The following FAM162A variants were observed in gnomAD, a reference collection of about 807,000 sequenced individuals.
FAM162A encodes the protein family with sequence similarity 162 member A, also known as protein FAM162A.
In FAM162A, 23 loss-of-function variants were observed where a neutral mutation model predicts 21.8. That is an observed-to-expected ratio of 1.05 (90% CI 0.76 to 1.49). The LOEUF is 1.49. Among genes scored for constraint, FAM162A ranks in the 40% most tolerant of loss-of-function variants. The pLI is 0.00. For missense variants in FAM162A, 165 were observed against 186.4 expected (o/e 0.89, Z 0.67); for synonymous variants, 53 against 61.3 (o/e 0.86, Z 0.64).
intron 1 of FAM162A, among the ~76,000 whole-genome samples, chr3:122,389,836 A>G (rs61598244): frequency 0.024 from 3,629 of 152,254 alleles, 135 homozygotes; most frequent in African/African-American, 0.084. Flanking sequence ...ATCTTTTTTT[A>G]ACTTCCAAAT....
At chr3:122,387,875 ATGTGAGCACATGTAGGGGCGGTAATGAGT>A (rs1316255047) in intron 1 of FAM162A, among the ~76,000 whole-genome samples, 7 of 152,014 alleles carry the variant, frequency 4.6e-5, no homozygotes, top group Non-Finnish European at 7.4e-5. Flanking sequence ...TGTGAGAGTG[ATGTGAGCACATGTAGGGGCGGTAATGAGT>A]TGTGAGCACA....
At chr3:122,389,844 A>C (rs574537114) in intron 1 of FAM162A, among the ~76,000 whole-genome samples, 1 of 152,164 alleles carries the variant, frequency 6.6e-6, no homozygotes, top group Non-Finnish European at 1.5e-5. Flanking sequence ...TTAACTTCCA[A>C]ATTTTCTGTA....
chr3:122,388,596 T>G (rs989963487), intron 1 of FAM162A, among the ~76,000 whole-genome samples: 2 of 152,088 alleles, frequency 1.3e-5, no homozygotes, highest in Non-Finnish European at 2.9e-5. Flanking sequence ...AAGAAGACAT[T>G]AAAGAAGATT....
chr3:122,408,169 C>G (rs2075685419), intron 4 of FAM162A, among the ~76,000 whole-genome samples: 1 of 152,182 alleles, frequency 6.6e-6, no homozygotes, highest in Non-Finnish European at 1.5e-5. Context: ...CACTGTTAAG[C>G]TCACTTAATC....
At chr3:122,403,685 A>C (rs962197750) in intron 2 of FAM162A, among the ~76,000 whole-genome samples, 1 of 152,120 alleles carries the variant, frequency 6.6e-6, no homozygotes, top group Non-Finnish European at 1.5e-5. Context: ...TGTCTTAGTC[A>C]TCCAAGTTTG....
At chr3:122,401,576 A>G in intron 1 of FAM162A, 1 of 1,234,824 alleles carries the variant, frequency 8.1e-7, no homozygotes, top group Admixed American at 2.5e-5. Context: ...TTAAAAGCTC[A>G]GGTGATTATA....
At chr3:122,407,224 C>T in intron 3 of FAM162A, 57 bp from the exon 4 acceptor site, 1 of 1,439,590 alleles carries the variant, frequency 6.9e-7, no homozygotes, top group Non-Finnish European at 9.7e-7. Flanking sequence ...TTATCCTGAG[C>T]AACTTCAGAA....
chr3:122,408,753 T>C (rs2075688698), intron 4 of FAM162A, among the ~76,000 whole-genome samples: 1 of 152,210 alleles, frequency 6.6e-6, no homozygotes, highest in Admixed American at 6.5e-5. Flanking sequence ...GTATACTCGA[T>C]TGTACTAGCT....
chr3:122,404,601 CAATT>C (rs1247329893), intron 3 of FAM162A, among the ~76,000 whole-genome samples: 1 of 152,144 alleles, frequency 6.6e-6, no homozygotes, highest in Non-Finnish European at 1.5e-5. Flanking sequence ...ACTCTGAAGT[CAATT>C]GATTATTTGA....
chr3:122,402,674 A>G, intron 1 of FAM162A, 86 bp from the exon 2 acceptor site: 1 of 1,258,132 alleles, frequency 7.9e-7, no homozygotes. Flanking sequence ...TTATAAATGA[A>G]ACGTAACTTG....
At chr3:122,399,699 G>A (rs554760563) in intron 1 of FAM162A, among the ~76,000 whole-genome samples, 2 of 152,226 alleles carry the variant, frequency 1.3e-5, no homozygotes, top group South Asian at 4.1e-4. Context: ...TTGAGGAATC[G>A]CCATACTTCT....
chr3:122,386,082 G>A (rs1270647128), intron 1 of FAM162A, among the ~76,000 whole-genome samples: 1 of 152,102 alleles, frequency 6.6e-6, no homozygotes, highest in Non-Finnish European at 1.5e-5. Context: ...GTTCATTCAG[G>A]GGCTGTGCGT....
rs1411468901 is a variant in FAM162A at position 122,409,962 on chromosome 3, T to C, written c.*131T>C. 5.1e-6 allele frequency: 4 copies of C among 787,002 alleles called. No individual in the cohort carries two copies. The African/African-American group carries it at 6.8e-5, about 13-fold the overall frequency. The allele number at this position is 787,002 out of a possible 1,614,324, so 48.8% of individuals were successfully genotyped here. On this transcript the variant is annotated 3_prime_UTR_variant, in exon 5 of 5. Coordinates refer to ENST00000477892, the MANE Select transcript of FAM162A (RefSeq NM_014367.4). ...TGCCCAAACCTGTACCATTTCCGTATTTCTGCTGTAGAAGTAGAAATAAAT... is the reference window on the plus strand; with the variant it reads ...TGCCCAAACCTGTACCATTTCCGTACTTCTGCTGTAGAAGTAGAAATAAAT...
At position 122,411,915 on chromosome 3, in the gene FAM162A, G is replaced by A. The variant is rs1022896060; in HGVS notation, c.*2084G>A. 9.9e-5 allele frequency: 15 copies of A among 152,044 alleles called. No homozygotes were observed. Among genetic ancestry groups the A allele is most frequent in the African/African-American group, 3.6e-4 (15 of 41,394 alleles). 9.4% of individuals were successfully genotyped at this position (152,044 alleles called of 1,614,324 possible). On this transcript the variant is annotated 3_prime_UTR_variant, in exon 5 of 5. Coordinates refer to ENST00000477892, the MANE Select transcript of FAM162A (RefSeq NM_014367.4). Reference sequence around the variant, plus strand: ...GCTCACAACTGTTATTATGCATCAGGAATTAACAGTCATTTCTCATTTGTG... The same window carrying A: ...GCTCACAACTGTTATTATGCATCAGAAATTAACAGTCATTTCTCATTTGTG...
chr3:122,410,195 T>C lies in FAM162A; in HGVS notation c.*364T>C, dbSNP rs1000807101. The C allele has an allele frequency of 2.9e-5, 10 of 344,872 alleles. No homozygotes were observed. Among genetic ancestry groups the C allele is most frequent in the Non-Finnish European group, 4.5e-5 (8 of 177,902 alleles). The allele number at this position is 344,872 out of a possible 1,614,324, so 21.4% of individuals were successfully genotyped here. A position where few individuals can be genotyped will look rare whatever the true frequency, so the allele number is the denominator to read the frequency against. On this transcript the variant is annotated 3_prime_UTR_variant, in exon 5 of 5. Transcript: ENST00000477892. The stretch of plus-strand genomic sequence containing the variant: ...GGAGATAAGGAAGGCCAGTTGAGTA[T>C]ATGGCCCAGGTGCAGCTTGGAGGGC...
At chr3:122,400,114 G>C (rs905197270) in intron 1 of FAM162A, among the ~76,000 whole-genome samples, 1 of 152,068 alleles carries the variant, frequency 6.6e-6, no homozygotes, top group Non-Finnish European at 1.5e-5. Context: ...CAAAGGCTTG[G>C]AACCAACCCA....
At chr3:122,399,718 T>C (rs2075644537) in intron 1 of FAM162A, among the ~76,000 whole-genome samples, 1 of 152,184 alleles carries the variant, frequency 6.6e-6, no homozygotes, top group South Asian at 2.1e-4. Context: ...CTTTCCACAA[T>C]GGTTGAACTA....
chr3:122,389,133 A>G (rs1235499029), intron 1 of FAM162A, among the ~76,000 whole-genome samples: 1 of 152,176 alleles, frequency 6.6e-6, no homozygotes, highest in Non-Finnish European at 1.5e-5. Context: ...TGGAGAAGGA[A>G]ACATTGTAGC....
chr3:122,405,191 A>G (rs1334076553), intron 3 of FAM162A, among the ~76,000 whole-genome samples: 1 of 152,220 alleles, frequency 6.6e-6, no homozygotes. Flanking sequence ...TCTGTGAGGC[A>G]TCATCCTATT....
Sources: gnomAD v4.1 joint callset for allele counts (sites outside exome capture counted in the v4.1 genomes callset) on GRCh38, gnomAD v4.1.1 for gene constraint, MANE v1.5 for transcripts, NCBI Gene and HGNC (gene_info 2026-07-23, HGNC 2026-07-21) for gene names.